PLAC8L1: variants seen among roughly 807,000 people sequenced by gnomAD.
PLAC8L1 encodes PLAC8 like 1.
In PLAC8L1, 13 loss-of-function variants were observed where a neutral mutation model predicts 16.3. That is an observed-to-expected ratio of 0.80 (90% CI 0.52 to 1.27). The LOEUF (loss-of-function observed/expected upper bound fraction) is 1.27, where lower values mean the gene tolerates loss of function less well. Ranked by LOEUF, PLAC8L1 falls within the 50% of genes most tolerant of loss-of-function variation. PLAC8L1 has a pLI of 0.00. For missense variants in PLAC8L1, 184 were observed against 220.2 expected, an observed-to-expected ratio of 0.84 and a Z score of 1.04; for synonymous variants, 78 against 79.3, an observed-to-expected ratio of 0.98 and a Z score of 0.09.
intron 2 of PLAC8L1, among the ~76,000 whole-genome samples, chr5:146,086,085 A>T (rs1468994389): frequency 3.2e-5 from 4 of 125,262 alleles, no homozygotes; most frequent in Non-Finnish European, 6.2e-5. Context: ...GCTGGAGTGC[A>T]GTGGCGGGAT....
rs190076202 is a variant in PLAC8L1 at position 146,104,365 on chromosome 5, G to A, written c.-54C>T. On this transcript the variant is annotated 5_prime_UTR_variant, in exon 1 of 4. Coordinates refer to ENST00000311450, the MANE Select transcript of PLAC8L1 (RefSeq NM_001029869.3). The stretch of plus-strand genomic sequence containing the variant: ...CTATCCTTTTTCCCTTTGGCAATAA[G>A]CTGGTTTCTAAACTTCGGATTAGTC... 229 of 1,409,880 alleles carry A rather than the reference G, an allele frequency of 1.6e-4. No homozygotes were observed. The highest frequency in any genetic ancestry group is 2.2e-4 in the Non-Finnish European group (218 of 996,828). 87.3% of individuals were successfully genotyped at this position (1,409,880 alleles called of 1,614,324 possible).
intron 2 of PLAC8L1, among the ~76,000 whole-genome samples, chr5:146,093,304 C>T (rs769073709): frequency 6.6e-6 from 1 of 152,150 alleles, no homozygotes; most frequent in Non-Finnish European, 1.5e-5. Flanking sequence ...TGGAGTACTA[C>T]TTGCTTTTCA....
intron 2 of PLAC8L1, among the ~76,000 whole-genome samples, chr5:146,088,458 G>C (rs913439229): frequency 6.6e-6 from 1 of 152,152 alleles, no homozygotes; most frequent in Non-Finnish European, 1.5e-5. Flanking sequence ...TTCTCCCACA[G>C]TGAGCACTTC....
rs773705788 is a variant in PLAC8L1, at chr5:146,105,259, G to A, written c.-948C>T. On this transcript the variant is annotated 5_prime_UTR_variant, in exon 1 of 4. Transcript: ENST00000311450. Reference sequence around the variant, plus strand: ...AGACCCATAGAGAATGGTTGCTTAGGGTTCTGAACTTCAAAGCATTTATTG... The same window carrying A: ...AGACCCATAGAGAATGGTTGCTTAGAGTTCTGAACTTCAAAGCATTTATTG... 1.3e-5 allele frequency among the ~76,000 whole-genome samples: 2 copies of A among 152,040 alleles called. No homozygotes were observed. Among genetic ancestry groups the A allele is most frequent in the African/African-American group, 2.4e-5 (1 of 41,382 alleles).
chr5:146,097,940 A>C (rs1276018890), intron 2 of PLAC8L1, among the ~76,000 whole-genome samples: 1 of 152,208 alleles, frequency 6.6e-6, no homozygotes, highest in African/African-American at 2.4e-5. Flanking sequence ...TGTCATTTAG[A>C]AATCTTTGAA....
In PLAC8L1 at chr5:146,101,600, A is replaced by G. The variant is rs534298325; in HGVS notation, c.119+2593T>C. 7.2e-5 allele frequency among the ~76,000 whole-genome samples: 11 copies of G among 152,302 alleles called. No homozygotes were observed. In the South Asian group the frequency reaches 2.3e-3, roughly 32 times the overall value. On this transcript the variant is annotated intron_variant, in intron 1 of 3. Coordinates refer to ENST00000311450, the MANE Select transcript of PLAC8L1 (RefSeq NM_001029869.3). Reference sequence around the variant, plus strand: ...GAAACCTCATGGGTGCATGATAAGTATTTCTTGGGCTGGACCAAATAGATT... The same window carrying G: ...GAAACCTCATGGGTGCATGATAAGTGTTTCTTGGGCTGGACCAAATAGATT...
At chr5:146,087,860 A>C (rs1763542320) in intron 2 of PLAC8L1, among the ~76,000 whole-genome samples, 1 of 152,256 alleles carries the variant, frequency 6.6e-6, no homozygotes, top group South Asian at 2.1e-4. Flanking sequence ...GCTAAGGAGA[A>C]GCAGGCTTGT....
In PLAC8L1 at chr5:146,085,642, G is replaced by C. The variant is rs1431598792; in HGVS notation, c.257-45C>G. The C allele has an allele frequency of 1.9e-6, 3 of 1,577,294 alleles. No individual in the cohort carries two copies. In the African/African-American group the frequency reaches 4.1e-5, roughly 21 times the overall value. ...AAAAGCCAAGGTTCTCAGATTTCTT[G>C]GAGCAACTTCACATCTCAAAGAATA... On this transcript the variant is annotated intron_variant, in intron 2 of 3. Transcript: ENST00000311450.
chr5:146,102,090 C>T (rs1763830282), intron 1 of PLAC8L1, among the ~76,000 whole-genome samples: 1 of 133,538 alleles, frequency 7.5e-6, no homozygotes, highest in Non-Finnish European at 1.6e-5. Context: ...GGGTCTTGCT[C>T]TGTCACCCAG....
intron 2 of PLAC8L1, among the ~76,000 whole-genome samples, chr5:146,092,634 C>T (rs899775193): frequency 2.0e-5 from 3 of 151,084 alleles, no homozygotes. Flanking sequence ...TTCCACCTCC[C>T]GGGTTCAAGC....
intron 1 of PLAC8L1, among the ~76,000 whole-genome samples, chr5:146,102,947 T>C (rs1054557319): frequency 9.9e-5 from 15 of 152,196 alleles, no homozygotes; most frequent in African/African-American, 3.6e-4. Context: ...TTCAGGATCC[T>C]GTGTATGCTC....
chr5:146,098,137 A>ATT lies in PLAC8L1; in HGVS notation c.256+18_256+19insAA, dbSNP rs755324619. On this transcript the variant is annotated intron_variant, in intron 2 of 3. Coordinates refer to ENST00000311450, the MANE Select transcript of PLAC8L1 (RefSeq NM_001029869.3). ...AAGAAAATAGTAAGGAGGAACTTAA[A>ATT]TAAGGAGGAAAAACTTACAAATTCT... 1 of 1,602,482 alleles carries ATT rather than the reference A, an allele frequency of 6.2e-7. No individual in the cohort carries two copies. The highest frequency in any genetic ancestry group is 1.1e-5 in the South Asian group (1 of 89,560).
chr5:146,084,586 A>C lies in PLAC8L1; in HGVS notation c.394-14T>G. 1 of 1,613,064 alleles carries C rather than the reference A, an allele frequency of 6.2e-7. No homozygotes were observed. ...ACACAGTGTGCCCTAGGGCAAGACC[A>C]GAATCTGTTCTGTTGTAGTCACACA... is the stretch of plus-strand genomic sequence containing the variant. On this transcript the variant is annotated splice_polypyrimidine_tract_variant and intron_variant, in intron 3 of 3. Transcript: ENST00000311450.
intron 1 of PLAC8L1, chr5:146,103,647 G>A: frequency 3.0e-6 from 3 of 984,436 alleles, no homozygotes; most frequent in Non-Finnish European, 3.6e-6. Flanking sequence ...GGAGGCAGGA[G>A]GCTAACTCCT....
intron 2 of PLAC8L1, among the ~76,000 whole-genome samples, chr5:146,096,674 T>C (rs1440620700): frequency 6.6e-6 from 1 of 151,270 alleles, no homozygotes; most frequent in Non-Finnish European, 1.5e-5. Context: ...TGCACTGAAG[T>C]TCCCCCAACC....
At chr5:146,085,684 A>C in intron 2 of PLAC8L1, 87 bp from the exon 3 acceptor site, 2 of 1,437,176 alleles carry the variant, frequency 1.4e-6, no homozygotes, top group Non-Finnish European at 1.9e-6. Context: ...ACATTATGCC[A>C]CCAGTTTAAT....
chr5:146,102,040 C>CTT lies in PLAC8L1; in HGVS notation c.119+2151_119+2152dup, dbSNP rs36011275. 8.1e-4 allele frequency among the ~76,000 whole-genome samples: 106 copies of CTT among 130,480 alleles called. 1 individual carries two copies. The highest frequency in any genetic ancestry group is 2.6e-3 in the Admixed American group (32 of 12,214). The allele number at this position is 130,480 out of a possible 152,430, so 85.6% of individuals were successfully genotyped here. ...AAAATGTTTTTTTTCTGTGTTTACC[C>CTT]TTTTTTTTTTTTTTTTGTCTTTTGT... On this transcript the variant is annotated intron_variant, in intron 1 of 3. Transcript: ENST00000311450.
At chr5:146,103,776 G>T (rs984542745) in intron 1 of PLAC8L1, 8 of 985,192 alleles carry the variant, frequency 8.1e-6, no homozygotes, top group Admixed American at 6.1e-5. Flanking sequence ...TCAGCCTGGG[G>T]TGTTACATGT....
At chr5:146,095,709 T>C (rs755469979) in intron 2 of PLAC8L1, among the ~76,000 whole-genome samples, 4 of 152,198 alleles carry the variant, frequency 2.6e-5, no homozygotes, top group Admixed American at 2.6e-4. Context: ...TGCACCATAT[T>C]GGTAGGACTA....
Sources: allele counts gnomAD v4.1 joint callset (sites outside exome capture counted in the v4.1 genomes callset), GRCh38; gene constraint gnomAD v4.1.1; transcripts MANE v1.5; gene names NCBI Gene and HGNC (gene_info 2026-07-23, HGNC 2026-07-21).